The following DNAAF6 variants were observed in gnomAD, a reference collection of about 807,000 sequenced individuals.
DNAAF6 encodes PIH1 domain containing 3.
A neutral mutation model predicts 13.7 loss-of-function variants in DNAAF6; 3 were observed. The observed-to-expected ratio is 0.22, with a 90% CI of 0.10 to 0.56. The LOEUF (loss-of-function observed/expected upper bound fraction) is 0.56. Among genes scored for constraint, DNAAF6 ranks in the 20% least tolerant of loss-of-function variants. DNAAF6 has a pLI of 0.92. For synonymous variants in DNAAF6, 54 were observed against 49.2 expected, an observed-to-expected ratio of 1.10 and a Z score of -0.41; for missense variants, 130 against 151.0, an observed-to-expected ratio of 0.86 and a Z score of 0.73.
chrX:107,229,154 T>TTTTTTTTTTTTTTTTTTTTTA (rs1928325940), intron 5 of DNAAF6, among the ~76,000 whole-genome samples: 1 of 92,529 alleles, frequency 1.1e-5, no homozygotes, highest in Non-Finnish European at 2.1e-5. Flanking sequence ...TTTTTTTTTT[T>TTTTTTTTTTTTTTTTTTTTTA]TGAGACAGAG....
intron 1 of DNAAF6, among the ~76,000 whole-genome samples, chrX:107,208,422 C>A (rs1467165330): frequency 2.5e-4 from 27 of 109,886 alleles, no homozygotes; most frequent in Admixed American, 2.3e-3. Flanking sequence ...TACAGCAAGA[C>A]CCTGTCTCAA....
chrX:107,232,068 G>T (rs905507661), intron 5 of DNAAF6, among the ~76,000 whole-genome samples: 3 of 111,277 alleles, frequency 2.7e-5, no homozygotes, highest in Non-Finnish European at 5.7e-5. Flanking sequence ...ATATTGGTCA[G>T]GCTGGTCTCA....
intron 6 of DNAAF6, among the ~76,000 whole-genome samples, chrX:107,239,427 A>C (rs938740867): frequency 2.7e-5 from 3 of 111,965 alleles, no homozygotes; most frequent in African/African-American, 9.7e-5. Flanking sequence ...TTAAATCAAC[A>C]AAAAGATCTT....
At chrX:107,214,086 T>C (rs759209431) in intron 2 of DNAAF6, among the ~76,000 whole-genome samples, 3 of 111,374 alleles carry the variant, frequency 2.7e-5, no homozygotes, top group African/African-American at 9.8e-5. Flanking sequence ...GGAATAACAT[T>C]TGTAGAAGAA....
At chrX:107,220,898 TCTCC>T (rs1928108296) in intron 4 of DNAAF6, among the ~76,000 whole-genome samples, 1 of 88,687 alleles carries the variant, frequency 1.1e-5, no homozygotes, top group Non-Finnish European at 2.2e-5. Flanking sequence ...TTTCTTTCTT[TCTCC>T]CTTTCTTTCT....
At chrX:107,220,455 T>C (rs1470502351) in intron 4 of DNAAF6, among the ~76,000 whole-genome samples, 1 of 112,154 alleles carries the variant, frequency 8.9e-6, no homozygotes, top group Non-Finnish European at 1.9e-5. Context: ...TGATGTTTGA[T>C]GTTAGGTAGA....
At chrX:107,234,650 A>T (rs1164915545) in intron 5 of DNAAF6, among the ~76,000 whole-genome samples, 1 of 112,161 alleles carries the variant, frequency 8.9e-6, no homozygotes, top group African/African-American at 3.2e-5. Context: ...TAAATAAATT[A>T]ATTTAGAATA....
At chrX:107,228,930 ATAT>A (rs1327530313) in intron 5 of DNAAF6, among the ~76,000 whole-genome samples, 2 of 109,227 alleles carry the variant, frequency 1.8e-5, no homozygotes, top group African/African-American at 6.7e-5. Flanking sequence ...TGATTACAGG[ATAT>A]TATTGTCATT....
chrX:107,241,743 A>G (rs1191450540), intron 6 of DNAAF6, among the ~76,000 whole-genome samples: 1 of 111,930 alleles, frequency 8.9e-6, no homozygotes, highest in Non-Finnish European at 1.9e-5. Context: ...ACTGTTCAAC[A>G]TTTTATTATG....
chrX:107,219,101 G>A, intron 4 of DNAAF6, 132 bp downstream of exon 4: 1 of 819,909 alleles, frequency 1.2e-6, no homozygotes, highest in Non-Finnish European at 1.6e-6. Context: ...CACACGGAAG[G>A]CATGTGTAAT....
intron 6 of DNAAF6, among the ~76,000 whole-genome samples, chrX:107,242,404 A>G: frequency 8.9e-6 from 1 of 112,373 alleles, no homozygotes; most frequent in Middle Eastern, 4.6e-3. Context: ...CATCCTGTCC[A>G]CCTTTTATAG....
chrX:107,222,138 G>A (rs1602682649), intron 4 of DNAAF6, among the ~76,000 whole-genome samples: 1 of 110,721 alleles, frequency 9.0e-6, no homozygotes, highest in East Asian at 2.8e-4. Context: ...AAGCACTATG[G>A]TGTAGCTGTG....
intron 6 of DNAAF6, among the ~76,000 whole-genome samples, chrX:107,240,043 G>A (rs1426097959): frequency 1.8e-5 from 2 of 112,113 alleles, no homozygotes; most frequent in Non-Finnish European, 3.8e-5. Flanking sequence ...TTCCCTAGCA[G>A]TTCTCACTGT....
chrX:107,224,647 G>A (rs987774856), intron 5 of DNAAF6, among the ~76,000 whole-genome samples: 6 of 110,408 alleles, frequency 5.4e-5, no homozygotes, highest in Admixed American at 3.9e-4. Context: ...GAAATGTGGG[G>A]ATGGTTAATG....
chrX:107,209,675 C>G (rs1439412626), intron 1 of DNAAF6, among the ~76,000 whole-genome samples: 1 of 112,115 alleles, frequency 8.9e-6, no homozygotes, highest in Non-Finnish European at 1.9e-5. Flanking sequence ...CTCAGGTGAT[C>G]CACCCACCTT....
chrX:107,213,750 CGGTGAGCCTTGGCTAT>C (rs1415210060), intron 2 of DNAAF6, among the ~76,000 whole-genome samples: 1 of 111,527 alleles, frequency 9.0e-6, no homozygotes, highest in Non-Finnish European at 1.9e-5. Flanking sequence ...TCTTAACTAT[CGGTGAGCCTTGGCTAT>C]CAGACTGCCT....
intron 4 of DNAAF6, among the ~76,000 whole-genome samples, chrX:107,219,477 A>G (rs1928072088): frequency 9.0e-6 from 1 of 111,722 alleles, no homozygotes; most frequent in African/African-American, 3.3e-5. Flanking sequence ...AGGGTTCAAG[A>G]CTTGCTTTGT....
rs1018216398 is a variant in DNAAF6 at position 107,243,590 on chromosome X, C to T, written c.*292C>T. ...TTTGAGACCAGCCTGGTCAACATGG[C>T]GAAACCCTGTCTCTACTAAAAATAC... On this transcript the variant is annotated 3_prime_UTR_variant, in exon 7 of 7. Transcript: ENST00000372453. 3.2e-5 allele frequency: 5 copies of T among 154,135 alleles called. No individual in the cohort carries two copies. Among genetic ancestry groups the T allele is most frequent in the East Asian group, 4.0e-4 (2 of 5,061 alleles). The allele number at this position is 154,135 out of a possible 1,213,427, so 12.7% of individuals were successfully genotyped here.
At chrX:107,239,405 G>C (rs948538085) in intron 6 of DNAAF6, among the ~76,000 whole-genome samples, 1 of 111,683 alleles carries the variant, frequency 9.0e-6, no homozygotes, top group Non-Finnish European at 1.9e-5. Context: ...GGTTAAATTT[G>C]AGTGTTTTCA....
Sources: gnomAD v4.1 joint callset for allele counts (sites outside exome capture counted in the v4.1 genomes callset) on GRCh38, gnomAD v4.1.1 for gene constraint, MANE v1.5 for transcripts, NCBI Gene and HGNC (gene_info 2026-07-23, HGNC 2026-07-21) for gene names.